The following URI1 variants were observed in gnomAD, a reference collection of about 807,000 sequenced individuals.
URI1 encodes unconventional prefoldin RPB5 interactor 1.
A neutral mutation model predicts 60.2 loss-of-function variants in URI1; 39 were observed. That is an observed-to-expected ratio of 0.65 (90% CI 0.50 to 0.85). The LOEUF is 0.85. URI1 is among the 40% of genes least tolerant of loss of function. URI1 has a pLI of 0.00. For synonymous variants in URI1, 251 were observed against 236.8 expected, an observed-to-expected ratio of 1.06 and a Z score of -0.55; for missense variants, 691 against 665.9, an observed-to-expected ratio of 1.04 and a Z score of -0.42.
chr19:29,998,174 G>A (rs1379454598), intron 4 of URI1, among the ~76,000 whole-genome samples: 5 of 151,930 alleles, frequency 3.3e-5, no homozygotes. Context: ...ATGTTATTGA[G>A]CATTCCAGTT....
intron 1 of URI1, chr19:29,956,300 T>C: frequency 1.3e-6 from 1 of 750,950 alleles, no homozygotes; most frequent in Non-Finnish European, 1.9e-6. Context: ...TTTTTTTTTT[T>C]TTTTTAAGAA....
chr19:29,960,381 A>G (rs2055306742), intron 1 of URI1, among the ~76,000 whole-genome samples: 1 of 152,158 alleles, frequency 6.6e-6, no homozygotes, highest in South Asian at 2.1e-4. Flanking sequence ...GTATTAAAAT[A>G]GTCACTAGGA....
chr19:29,972,693 T>C (rs2145330771), intron 2 of URI1, among the ~76,000 whole-genome samples: 1 of 152,250 alleles, frequency 6.6e-6, no homozygotes, highest in Middle Eastern at 3.4e-3. Flanking sequence ...GATAAATGTT[T>C]GAGTAAATGA....
upstream of URI1, among the ~76,000 whole-genome samples, chr19:29,939,607 C>A (rs562079846): frequency 6.6e-5 from 10 of 152,212 alleles, no homozygotes; most frequent in South Asian, 2.1e-3. Context: ...ATAAGTGCTA[C>A]AAAGAAAATT....
At chr19:29,976,576 C>A (rs1466830595) in intron 2 of URI1, among the ~76,000 whole-genome samples, 1 of 152,068 alleles carries the variant, frequency 6.6e-6, no homozygotes, top group East Asian at 1.9e-4. Flanking sequence ...TGAGAGGAGG[C>A]GTGAAAAAGA....
chr19:29,926,294 T>A (rs1299174216), intron 1 of URI1, among the ~76,000 whole-genome samples: 1 of 146,166 alleles, frequency 6.8e-6, no homozygotes. Flanking sequence ...CTACCTTCTT[T>A]CCTTCAACAG....
At chr19:29,950,095 C>T (rs2145250990) in intron 1 of URI1, among the ~76,000 whole-genome samples, 1 of 152,268 alleles carries the variant, frequency 6.6e-6, no homozygotes, top group Admixed American at 6.5e-5. Context: ...TTGTTGTTGG[C>T]ACTTAGTATT....
At chr19:29,950,714 T>A (rs1287047491) in intron 1 of URI1, among the ~76,000 whole-genome samples, 3 of 152,226 alleles carry the variant, frequency 2.0e-5, no homozygotes, top group Non-Finnish European at 4.4e-5. Context: ...CATTGACATG[T>A]ACCATATTCA....
intron 1 of URI1, among the ~76,000 whole-genome samples, chr19:29,964,069 T>A (rs542675429): frequency 3.5e-4 from 54 of 152,156 alleles, no homozygotes; most frequent in Non-Finnish European, 6.2e-4. Flanking sequence ...CTGCGCAAGT[T>A]CTGCTTGTTT....
rs1027858904 is a variant in URI1, at chr19:29,968,576, T to C, written c.118-2617T>C. 1.6e-3 allele frequency among the ~76,000 whole-genome samples: 221 copies of C among 135,292 alleles called. 1 individual carries two copies. Among genetic ancestry groups the C allele is most frequent in the African/African-American group, 5.7e-3 (207 of 36,284 alleles). 88.8% of individuals were successfully genotyped at this position (135,292 alleles called of 152,430 possible). A position where few individuals can be genotyped will look rare whatever the true frequency, so the allele number is the denominator to read the frequency against. On this transcript the variant is annotated intron_variant, in intron 1 of 10. Transcript: ENST00000392271. ...TTTACTAATTTTTTCTTTTTTTTTT[T>C]TTTTTTTTTTTTTGAGATGGAGTCT...
At chr19:29,991,441 A>AATTAACAT (rs2055745373) in intron 4 of URI1, among the ~76,000 whole-genome samples, 1 of 152,212 alleles carries the variant, frequency 6.6e-6, no homozygotes, top group Non-Finnish European at 1.5e-5. Context: ...TTTAAAAAAG[A>AATTAACAT]ATTAACATTG....
intron 1 of URI1, among the ~76,000 whole-genome samples, chr19:29,949,885 C>CAGAGGG (rs1568411652): frequency 6.7e-6 from 1 of 150,348 alleles, no homozygotes; most frequent in Admixed American, 6.6e-5. Context: ...GGCTTGGCAT[C>CAGAGGG]AGAGGGAGAC....
In URI1 at chr19:30,009,231, GAT is replaced by G; in HGVS notation, c.914_915del (p.Asp305GlyfsTer2). The part of the protein sequence containing the change: ...SYHSDDDDDD[D>X]DDDDDDNIDD... ...CCACAGTGATGATGATGATGATGAT[GAT>G]GATGACGACGACGACGACAACATTG... On this transcript the variant is annotated frameshift_variant, in exon 8 of 11. Coordinates refer to ENST00000392271, the MANE Select transcript of URI1 (RefSeq NM_003796.3). LOFTEE classifies it high-confidence loss of function. 6.2e-6 allele frequency: 10 copies of G among 1,612,772 alleles called. No individual in the cohort carries two copies. The highest frequency in any genetic ancestry group is 7.6e-6 in the Non-Finnish European group (9 of 1,179,152).
chr19:29,955,888 G>A (rs1176884954), intron 1 of URI1, among the ~76,000 whole-genome samples: 2 of 152,160 alleles, frequency 1.3e-5, no homozygotes, highest in East Asian at 3.9e-4. Flanking sequence ...ACCGTGCCTG[G>A]CCCAGTTATC....
intron 1 of URI1, among the ~76,000 whole-genome samples, chr19:29,927,425 G>A (rs972529677): frequency 7.3e-5 from 11 of 150,728 alleles, no homozygotes; most frequent in Non-Finnish European, 1.2e-4. Flanking sequence ...CACCACACCC[G>A]GCTAATCTTT....
At chr19:29,961,050 A>G (rs1463092692) in intron 1 of URI1, among the ~76,000 whole-genome samples, 1 of 151,738 alleles carries the variant, frequency 6.6e-6, no homozygotes, top group African/African-American at 2.4e-5. Flanking sequence ...TTGTATAGAC[A>G]GGGACTCACT....
chr19:30,002,786 AT>A (rs2055894414), intron 4 of URI1, among the ~76,000 whole-genome samples: 1 of 151,878 alleles, frequency 6.6e-6, no homozygotes, highest in South Asian at 2.1e-4. Context: ...TTCTATAATA[AT>A]TGGTAACTAA....
chr19:29,938,137 G>A (rs1302888438), upstream of URI1: 1 of 152,170 alleles, frequency 6.6e-6, no homozygotes, highest in African/African-American at 2.4e-5. Flanking sequence ...GATTACAGAT[G>A]TGAATTATTG....
intron 1 of URI1, among the ~76,000 whole-genome samples, chr19:29,966,338 C>T (rs2055391196): frequency 2.6e-5 from 4 of 152,000 alleles, no homozygotes; most frequent in Admixed American, 2.6e-4. Context: ...GGGGTTTCAC[C>T]ATGTTGGCTA....
Sources: gnomAD v4.1 joint callset for allele counts (sites outside exome capture counted in the v4.1 genomes callset) on GRCh38, gnomAD v4.1.1 for gene constraint, MANE v1.5 for transcripts, NCBI Gene and HGNC (gene_info 2026-07-23, HGNC 2026-07-21) for gene names.